The following B3GALT1 variants were observed in gnomAD, a reference collection of about 807,000 sequenced individuals.
B3GALT1 encodes the protein beta-1,3-galactosyltransferase 1, also known as UDP-Gal:betaGlcNAc beta 1,3-galactosyltransferase, polypeptide 1.
A neutral mutation model predicts 23.2 loss-of-function variants in B3GALT1; 10 were observed. The observed-to-expected ratio is 0.43, with a 90% CI of 0.27 to 0.73. The LOEUF (loss-of-function observed/expected upper bound fraction) is 0.73. Ranked by LOEUF, B3GALT1 falls within the 30% of genes least tolerant of loss-of-function variation. B3GALT1 has a pLI of 0.21. For synonymous variants in B3GALT1, 156 were observed against 141.5 expected (o/e 1.10, Z -0.73); for missense variants, 299 against 405.4 (o/e 0.74, Z 2.25).
At chr2:167,611,700 C>T (rs779196601) in intron 2 of B3GALT1, among the ~76,000 whole-genome samples, 4 of 151,912 alleles carry the variant, frequency 2.6e-5, no homozygotes, top group East Asian at 1.9e-4. Context: ...GGAAGAGCAG[C>T]GCCTTGGGGT....
intron 3 of B3GALT1, among the ~76,000 whole-genome samples, chr2:167,747,490 G>A (rs1039155949): frequency 6.6e-6 from 1 of 152,144 alleles, no homozygotes; most frequent in Non-Finnish European, 1.5e-5. Flanking sequence ...AACTAGATGA[G>A]GTCACTAAAC....
chr2:167,660,203 C>A (rs866726131), intron 3 of B3GALT1, among the ~76,000 whole-genome samples: 1 of 152,060 alleles, frequency 6.6e-6, no homozygotes, highest in South Asian at 2.1e-4. Context: ...CTTTTCATAG[C>A]TCTTTCTAAC....
At chr2:167,837,026 A>G (rs13430777) in intron 4 of B3GALT1, among the ~76,000 whole-genome samples, 4,671 of 152,296 alleles carry the variant, frequency 0.031, 236 homozygotes, top group African/African-American at 0.11. Context: ...TCCTGAAGGA[A>G]GAACTAAACA....
At chr2:167,573,314 A>C (rs1053803679) in intron 2 of B3GALT1, among the ~76,000 whole-genome samples, 2 of 151,838 alleles carry the variant, frequency 1.3e-5, no homozygotes, top group African/African-American at 4.8e-5. Context: ...GTGAGTTGAA[A>C]AATAAAAGGT....
At position 167,450,885 on chromosome 2, in the gene B3GALT1, ATTTTTTCTTATC is replaced by A. The variant is rs536614557; in HGVS notation, c.-510-39282_-510-39271del. The stretch of plus-strand genomic sequence containing the variant: ...CCCAAGCTTTTTGGAGGCTTTGTTC[ATTTTTTCTTATC>A]TTTTTTCTTTGTCTTCGTTGGATTA... On this transcript the variant is annotated intron_variant, in intron 1 of 4. Transcript: ENST00000392690. Among the ~76,000 whole-genome samples the A allele has an allele frequency of 1.1e-3, 161 of 151,852 alleles. No homozygotes were observed. The Middle Eastern group carries it at 0.017, about 16-fold the overall frequency.
intron 1 of B3GALT1, among the ~76,000 whole-genome samples, chr2:167,307,755 T>TC: frequency 6.6e-6 from 1 of 152,152 alleles, no homozygotes; most frequent in South Asian, 2.1e-4. Flanking sequence ...TCCAAGATCT[T>TC]CCCTTCCCTT....
At chr2:167,715,573 T>C in intron 3 of B3GALT1, 1 of 1,613,952 alleles carries the variant, frequency 6.2e-7, no homozygotes, top group Middle Eastern at 1.7e-4. Context: ...CTGCCATCAG[T>C]TCATCTTGTG....
intron 2 of B3GALT1, among the ~76,000 whole-genome samples, chr2:167,596,082 G>A (rs1383984929): frequency 6.6e-6 from 1 of 152,210 alleles, no homozygotes; most frequent in Non-Finnish European, 1.5e-5. Context: ...GTCTCCCGAG[G>A]AGAGAAATTA....
chr2:167,506,978 C>G (rs913007779), intron 2 of B3GALT1, among the ~76,000 whole-genome samples: 1 of 152,046 alleles, frequency 6.6e-6, no homozygotes, highest in Non-Finnish European at 1.5e-5. Flanking sequence ...TGCTATCACT[C>G]TAAGAAGACT....
At chr2:167,331,012 A>G (rs1696965266) in intron 1 of B3GALT1, among the ~76,000 whole-genome samples, 1 of 151,812 alleles carries the variant, frequency 6.6e-6, no homozygotes, top group East Asian at 1.9e-4. Flanking sequence ...TTTTTTCTGA[A>G]GTTGTATCTG....
intron 3 of B3GALT1, among the ~76,000 whole-genome samples, chr2:167,804,112 C>G (rs1688697193): frequency 6.6e-6 from 1 of 152,074 alleles, no homozygotes; most frequent in Non-Finnish European, 1.5e-5. Flanking sequence ...GCCTCAGACT[C>G]CCAAGTAGCT....
intron 3 of B3GALT1, among the ~76,000 whole-genome samples, chr2:167,810,336 T>C (rs1290162617): frequency 1.3e-5 from 2 of 150,770 alleles, no homozygotes; most frequent in Non-Finnish European, 1.5e-5. Context: ...GGTACCTCAG[T>C]TGGAAATGCA....
In B3GALT1 at chr2:167,869,065, A is replaced by G. The variant is rs753632931; in HGVS notation, c.26A>G (p.Tyr9Cys). MASKVSCLYVLTVVCWASA... is the reference protein window; with the variant it reads MASKVSCLCVLTVVCWASA... Reference sequence around the variant, plus strand: ...ATGGCTTCAAAGGTCTCCTGTTTGTATGTTTTGACAGTTGTGTGCTGGGCC... The same window carrying G: ...ATGGCTTCAAAGGTCTCCTGTTTGTGTGTTTTGACAGTTGTGTGCTGGGCC... The change falls in exon 5 of 5, where the codon TAT (tyrosine) becomes TGT (cysteine). Residue 9 changes from tyrosine to cysteine, a missense_variant. Physicochemically the swap from Tyr to Cys is radical, Grantham distance 194. This residue lies in a region of B3GALT1 where 162 missense variants were observed against 184.1 expected (regional missense o/e 0.88). Transcript: ENST00000392690. This position sits in a 1 kb window ranked among gnomAD's most constrained non-coding sequence, Gnocchi z 6.4. 6.2e-7 allele frequency: 1 copy of G among 1,610,970 alleles called. No individual in the cohort carries two copies. The highest frequency in any genetic ancestry group is 8.5e-7 in the Non-Finnish European group (1 of 1,178,260).
intron 3 of B3GALT1, among the ~76,000 whole-genome samples, chr2:167,688,852 C>G (rs575327752): frequency 6.6e-6 from 1 of 152,048 alleles, no homozygotes; most frequent in Admixed American, 6.6e-5. Flanking sequence ...ATTCATAACA[C>G]TGTAGTCAGC....
intron 1 of B3GALT1, among the ~76,000 whole-genome samples, chr2:167,369,833 A>C (rs548487835): frequency 4.0e-4 from 61 of 152,336 alleles, no homozygotes; most frequent in African/African-American, 1.3e-3. Flanking sequence ...ATCACATTGA[A>C]CTAAAGAGCA....
rs1401664840 is a variant in B3GALT1, at chr2:167,870,837, A to G, written c.*817A>G. 3 of 166,950 alleles carry G rather than the reference A, an allele frequency of 1.8e-5. No homozygotes were observed. The highest frequency in any genetic ancestry group is 4.4e-5 in the Non-Finnish European group (3 of 68,116). 10.3% of individuals were successfully genotyped at this position (166,950 alleles called of 1,614,324 possible). A position where few individuals can be genotyped will look rare whatever the true frequency, so the allele number is the denominator to read the frequency against. ...GACAGTGTCGCTAAGTGCATTTCAC[A>G]GTTTTTGGATCTGGCAGGCATATGT... On this transcript the variant is annotated 3_prime_UTR_variant, in exon 5 of 5. Transcript: ENST00000392690.
At chr2:167,728,317 G>A (rs1384522551) in intron 3 of B3GALT1, among the ~76,000 whole-genome samples, 1 of 152,174 alleles carries the variant, frequency 6.6e-6, no homozygotes, top group African/African-American at 2.4e-5. Flanking sequence ...AATCTGGGAG[G>A]TGAAGGTTGC....
chr2:167,445,313 A>T (rs545445578), intron 1 of B3GALT1, among the ~76,000 whole-genome samples: 31 of 152,296 alleles, frequency 2.0e-4, no homozygotes, highest in South Asian at 1.2e-3. Context: ...AATAAGTGCG[A>T]TGTGGTGCTG....
At position 167,493,844 on chromosome 2, in the gene B3GALT1, A is replaced by T. The variant is rs183983341; in HGVS notation, c.-410+3567A>T. ...TTTAAATTTCATTTTCCTAGACTTC[A>T]GAACTAAATATCTGATTAATTTTGT... On this transcript the variant is annotated intron_variant, in intron 2 of 4. Transcript: ENST00000392690. Among the ~76,000 whole-genome samples, 7 of 152,284 alleles carry T rather than the reference A, an allele frequency of 4.6e-5. 1 individual carries two copies. Among genetic ancestry groups the T allele is most frequent in the African/African-American group, 1.7e-4 (7 of 41,568 alleles).
Sources: gnomAD v4.1 joint callset for allele counts (sites outside exome capture counted in the v4.1 genomes callset) on GRCh38, gnomAD v4.1.1 for gene constraint, gnomAD v4.1.1 regional missense constraint, Gnocchi (gnomAD v3.1) non-coding constraint, MANE v1.5 for transcripts, NCBI Gene and HGNC (gene_info 2026-07-23, HGNC 2026-07-21) for gene names.